The following SSBP2 variants were observed in gnomAD, a reference collection of about 807,000 sequenced individuals.
SSBP2 encodes single stranded DNA binding protein 2.
Under a neutral mutation model 61.8 loss-of-function variants are expected in SSBP2, and 17 were observed. The ratio of observed to expected loss-of-function variants is 0.28; its 90% CI spans 0.19 to 0.41. The LOEUF is 0.41. SSBP2 is among the 10% of genes least tolerant of loss of function. SSBP2 has a pLI of 1.00. For synonymous variants in SSBP2, 139 were observed against 141.3 expected, an observed-to-expected ratio of 0.98 and a Z score of 0.12; for missense variants, 310 against 458.7, an observed-to-expected ratio of 0.68 and a Z score of 2.96.
At position 81,414,238 on chromosome 5, in the gene SSBP2, G is replaced by C. The variant is rs1158115552; in HGVS notation, c.*6266C>G. 6.6e-6 allele frequency: 1 copy of C among 151,970 alleles called. No homozygotes were observed. Among genetic ancestry groups the C allele is most frequent in the Non-Finnish European group, 1.5e-5 (1 of 67,966 alleles). 9.4% of individuals were successfully genotyped at this position (151,970 alleles called of 1,614,324 possible). ...GTAATTGTATACATAAAAACACCTAGTCCCACTTTAAAATTTTAATATCTA... is the reference window on the plus strand; with the variant it reads ...GTAATTGTATACATAAAAACACCTACTCCCACTTTAAAATTTTAATATCTA... On this transcript the variant is annotated 3_prime_UTR_variant, in exon 17 of 17. Coordinates refer to ENST00000320672, the MANE Select transcript of SSBP2 (RefSeq NM_012446.5).
chr5:81,487,249 C>A (rs147291029), intron 6 of SSBP2, among the ~76,000 whole-genome samples: 1 of 152,130 alleles, frequency 6.6e-6, no homozygotes, highest in East Asian at 1.9e-4. Context: ...AATTTCTTCT[C>A]GGGTTATATA....
At chr5:81,474,342 C>T (rs1358382372) in intron 7 of SSBP2, among the ~76,000 whole-genome samples, 154 bp downstream of exon 7, 4 of 152,082 alleles carry the variant, frequency 2.6e-5, no homozygotes, top group African/African-American at 9.7e-5. Context: ...ATTAAGTGAG[C>T]TGGAAATATA....
intron 1 of SSBP2, among the ~76,000 whole-genome samples, chr5:81,674,869 C>T (rs1751836338): frequency 6.6e-6 from 1 of 152,118 alleles, no homozygotes; most frequent in African/African-American, 2.4e-5. Context: ...AATTTATAGA[C>T]TGTAAGTAAA....
intron 1 of SSBP2, among the ~76,000 whole-genome samples, chr5:81,690,882 A>G (rs552224878): frequency 2.0e-5 from 3 of 152,298 alleles, no homozygotes; most frequent in East Asian, 1.9e-4. Flanking sequence ...TTTGACCACA[A>G]TGAAATAAAA....
intron 4 of SSBP2, among the ~76,000 whole-genome samples, chr5:81,591,171 C>G (rs1211945601): frequency 2.0e-5 from 3 of 152,170 alleles, no homozygotes; most frequent in Non-Finnish European, 4.4e-5. Flanking sequence ...CAGCCTCCAT[C>G]CTAAACACAA....
intron 16 of SSBP2, among the ~76,000 whole-genome samples, chr5:81,427,253 A>C (rs1762010824): frequency 6.6e-6 from 1 of 152,232 alleles, no homozygotes; most frequent in Non-Finnish European, 1.5e-5. Context: ...AATAATTCCC[A>C]TAATCTTAAG....
At chr5:81,433,753 A>G (rs1481681759) in intron 15 of SSBP2, among the ~76,000 whole-genome samples, 2 of 152,222 alleles carry the variant, frequency 1.3e-5, no homozygotes, top group Non-Finnish European at 2.9e-5. Context: ...AAGCTTTCTA[A>G]ATCAAATATA....
In SSBP2 at chr5:81,751,049, G is replaced by A; in HGVS notation, c.-7C>T. On this transcript the variant is annotated 5_prime_UTR_variant, in exon 1 of 17. Transcript: ENST00000320672. ...TCTTGCCTTTGCCGTACATGCTTGT[G>A]CCGAGAGCAGCTCCCACTGTCACGC... The A allele has an allele frequency of 6.3e-7, 1 of 1,588,704 alleles. No individual in the cohort carries two copies. The highest frequency in any genetic ancestry group is 1.1e-5 in the South Asian group (1 of 87,222).
chr5:81,705,431 C>T (rs1251555398), intron 1 of SSBP2, among the ~76,000 whole-genome samples: 2 of 151,922 alleles, frequency 1.3e-5, no homozygotes, highest in Non-Finnish European at 2.9e-5. Context: ...TTAAAGGACA[C>T]ATATATTTTG....
intron 1 of SSBP2, among the ~76,000 whole-genome samples, chr5:81,650,698 TAA>T (rs1335531675): frequency 2.0e-5 from 3 of 152,082 alleles, no homozygotes; most frequent in Non-Finnish European, 4.4e-5. Flanking sequence ...AGAAATGAAT[TAA>T]GTTAGTGAAC....
At chr5:81,515,383 T>C (rs1768938075) in intron 4 of SSBP2, among the ~76,000 whole-genome samples, 1 of 151,856 alleles carries the variant, frequency 6.6e-6, no homozygotes, top group South Asian at 2.1e-4. Flanking sequence ...AAAGACATAT[T>C]AAAAAAGACA....
At chr5:81,691,898 T>C (rs1352191449) in intron 1 of SSBP2, among the ~76,000 whole-genome samples, 1 of 152,178 alleles carries the variant, frequency 6.6e-6, no homozygotes, top group Non-Finnish European at 1.5e-5. Context: ...GGTGCAAGGA[T>C]GGTTCAACAG....
At chr5:81,532,785 G>GA (rs1218556780) in intron 4 of SSBP2, among the ~76,000 whole-genome samples, 2 of 151,292 alleles carry the variant, frequency 1.3e-5, no homozygotes, top group African/African-American at 2.4e-5. Flanking sequence ...AGGAATAACA[G>GA]AAAAAAATAA....
At chr5:81,687,324 C>T (rs1325507973) in intron 1 of SSBP2, among the ~76,000 whole-genome samples, 1 of 152,220 alleles carries the variant, frequency 6.6e-6, no homozygotes, top group East Asian at 1.9e-4. Flanking sequence ...AGAGGGGAAT[C>T]CCCCAGCCCA....
At chr5:81,602,494 G>C (rs1206965438) in intron 4 of SSBP2, among the ~76,000 whole-genome samples, 1 of 152,060 alleles carries the variant, frequency 6.6e-6, no homozygotes, top group Non-Finnish European at 1.5e-5. Context: ...AAAGATACTT[G>C]GATGGCCTTT....
In SSBP2 at chr5:81,419,253, T is replaced by C. The variant is rs1261030683; in HGVS notation, c.*1251A>G. ...GATAAAGCAAAGTTACTATCAATGATTTGCTCCTGAATAAAAGCCTTATAT... is the reference window on the plus strand; with the variant it reads ...GATAAAGCAAAGTTACTATCAATGACTTGCTCCTGAATAAAAGCCTTATAT... On this transcript the variant is annotated 3_prime_UTR_variant, in exon 17 of 17. Transcript: ENST00000320672. 2.0e-5 allele frequency: 3 copies of C among 152,208 alleles called. No individual in the cohort carries two copies. Among genetic ancestry groups the C allele is most frequent in the Admixed American group, 6.5e-5 (1 of 15,290 alleles). The allele number at this position is 152,208 out of a possible 1,614,324, so 9.4% of individuals were successfully genotyped here.
At chr5:81,564,104 C>A (rs1773254363) in intron 4 of SSBP2, among the ~76,000 whole-genome samples, 1 of 152,124 alleles carries the variant, frequency 6.6e-6, no homozygotes, top group South Asian at 2.1e-4. Context: ...ATAGACATTT[C>A]TCCAAAGAAG....
chr5:81,501,563 C>CTTT (rs71603598), intron 5 of SSBP2, among the ~76,000 whole-genome samples: 10 of 117,374 alleles, frequency 8.5e-5, no homozygotes, highest in Non-Finnish European at 1.4e-4. Flanking sequence ...TCTTTCTTTT[C>CTTT]TTTTTTTTTT....
intron 13 of SSBP2, among the ~76,000 whole-genome samples, chr5:81,442,287 A>G (rs1763086728): frequency 6.6e-6 from 1 of 152,228 alleles, no homozygotes; most frequent in East Asian, 1.9e-4. Context: ...CAAGTTTATC[A>G]GGACAAAAAA....
Sources: gnomAD v4.1 joint callset for allele counts (sites outside exome capture counted in the v4.1 genomes callset) on GRCh38, gnomAD v4.1.1 for gene constraint, MANE v1.5 for transcripts, NCBI Gene and HGNC (gene_info 2026-07-23, HGNC 2026-07-21) for gene names.